NRG1: variants seen among roughly 807,000 people sequenced by gnomAD.
NRG1 encodes neuregulin 1, also known as pro-neuregulin-1, membrane-bound isoform.
In NRG1, 18 loss-of-function variants were observed where a neutral mutation model predicts 63.8. The ratio of observed to expected loss-of-function variants is 0.28; its 90% CI spans 0.19 to 0.42. NRG1 has a LOEUF of 0.42. Ranked by LOEUF, NRG1 falls within the 10% of genes least tolerant of loss-of-function variation. The pLI, the probability that NRG1 is intolerant of heterozygous loss-of-function variation, is 1.00. For missense variants in NRG1, 762 were observed against 814.7 expected, an observed-to-expected ratio of 0.94 and a Z score of 0.79; for synonymous variants, 302 against 301.3, an observed-to-expected ratio of 1.00 and a Z score of -0.02.
chr8:31,878,778 G>C (rs1830118455), intron 1 of NRG1, among the ~76,000 whole-genome samples: 1 of 152,162 alleles, frequency 6.6e-6, no homozygotes, highest in Admixed American at 6.5e-5. Context: ...ACTTGTTGCT[G>C]TCTGCTGGAT....
chr8:32,470,104 T>C (rs1563507734), intron 1 of NRG1, among the ~76,000 whole-genome samples: 1 of 149,666 alleles, frequency 6.7e-6, no homozygotes, highest in East Asian at 2.0e-4. Context: ...ATCTCCTGAC[T>C]TCATGTGATC....
intron 1 of NRG1, among the ~76,000 whole-genome samples, chr8:31,877,410 T>C (rs1237438181): frequency 6.6e-6 from 1 of 152,090 alleles, no homozygotes; most frequent in African/African-American, 2.4e-5. Flanking sequence ...TGTTTGTTTT[T>C]ATGTTCTGTA....
chr8:32,476,816 G>A (rs904110550), intron 1 of NRG1, among the ~76,000 whole-genome samples: 1 of 152,092 alleles, frequency 6.6e-6, no homozygotes, highest in African/African-American at 2.4e-5. Context: ...TAATTGATTG[G>A]CCAGCTGGCC....
At chr8:32,553,032 T>C (rs1346759261) in intron 1 of NRG1, among the ~76,000 whole-genome samples, 1 of 152,226 alleles carries the variant, frequency 6.6e-6, no homozygotes, top group East Asian at 1.9e-4. Context: ...AATTCCTTGC[T>C]ATTAGGCAGC....
intron 1 of NRG1, among the ~76,000 whole-genome samples, chr8:32,131,058 T>A (rs932334135): frequency 2.6e-5 from 4 of 152,030 alleles, no homozygotes; most frequent in African/African-American, 9.7e-5. Flanking sequence ...GGAAGGTTAA[T>A]TAGCAAATTA....
At chr8:32,411,132 C>G (rs930346368) in intron 1 of NRG1, among the ~76,000 whole-genome samples, 37 of 152,252 alleles carry the variant, frequency 2.4e-4, no homozygotes, top group Middle Eastern at 3.4e-3. Flanking sequence ...CCTCAGCCCC[C>G]CAAAGTGCTG....
At chr8:31,699,801 G>A (rs776125267) in intron 1 of NRG1, among the ~76,000 whole-genome samples, 1 of 152,052 alleles carries the variant, frequency 6.6e-6, no homozygotes, top group Non-Finnish European at 1.5e-5. Context: ...AGAGAAAAAG[G>A]GACCCTGGGA....
At chr8:31,705,630 C>T (rs1008657923) in intron 1 of NRG1, among the ~76,000 whole-genome samples, 1 of 152,198 alleles carries the variant, frequency 6.6e-6, no homozygotes, top group Non-Finnish European at 1.5e-5. Context: ...CACTGTTTCT[C>T]TGCTGAGAGA....
chr8:32,346,483 A>G (rs894466655), intron 1 of NRG1, among the ~76,000 whole-genome samples: 16 of 151,808 alleles, frequency 1.1e-4, no homozygotes, highest in African/African-American at 3.9e-4. Flanking sequence ...CTACATCTAG[A>G]TGGTCCACTT....
chr8:31,960,304 A>G (rs1337409645), intron 1 of NRG1, among the ~76,000 whole-genome samples: 10 of 152,124 alleles, frequency 6.6e-5, no homozygotes, highest in African/African-American at 2.2e-4. Flanking sequence ...TTCTTCCCTG[A>G]CAGTTGCTGA....
chr8:32,632,564 A>AT (rs1850539961), intron 5 of NRG1, among the ~76,000 whole-genome samples: 1 of 151,812 alleles, frequency 6.6e-6, no homozygotes. Flanking sequence ...AAAAAAAAAA[A>AT]AAATGGACAT....
intron 1 of NRG1, among the ~76,000 whole-genome samples, chr8:32,457,175 G>T (rs913453563): frequency 6.6e-6 from 1 of 152,026 alleles, no homozygotes; most frequent in Admixed American, 6.6e-5. Context: ...CCTCTTAGAA[G>T]TTTGTCCCTC....
At chr8:32,407,606 A>G (rs1275244889) in intron 1 of NRG1, among the ~76,000 whole-genome samples, 1 of 152,058 alleles carries the variant, frequency 6.6e-6, no homozygotes, top group Non-Finnish European at 1.5e-5. Flanking sequence ...TGTCTCCAGA[A>G]TAAAAGTGGA....
At chr8:31,762,706 A>T (rs1214177308) in intron 1 of NRG1, among the ~76,000 whole-genome samples, 4 of 152,230 alleles carry the variant, frequency 2.6e-5, no homozygotes, top group African/African-American at 9.6e-5. Context: ...TATAGTAATT[A>T]TTAAAACTTC....
chr8:32,481,252 G>A (rs185995154), intron 1 of NRG1, among the ~76,000 whole-genome samples: 35 of 152,194 alleles, frequency 2.3e-4, no homozygotes, highest in African/African-American at 8.2e-4. Context: ...GCTGAGGTGG[G>A]GGGATTGCTT....
chr8:32,700,109 C>G (rs888167329), intron 5 of NRG1, among the ~76,000 whole-genome samples: 1 of 152,086 alleles, frequency 6.6e-6, no homozygotes, highest in Non-Finnish European at 1.5e-5. Context: ...ACCCTTTCCC[C>G]AGCTATTCAA....
chr8:32,714,897 G>A (rs1213736631), intron 5 of NRG1, among the ~76,000 whole-genome samples: 1 of 152,216 alleles, frequency 6.6e-6, no homozygotes, highest in African/African-American at 2.4e-5. Context: ...AGACTCAGTG[G>A]CTGTGATAGA....
intron 5 of NRG1, among the ~76,000 whole-genome samples, chr8:32,621,647 C>T (rs937478508): frequency 5.3e-5 from 8 of 152,194 alleles, no homozygotes; most frequent in East Asian, 1.9e-4. Context: ...AGATAAATCC[C>T]GGGAAAACAG....
intron 1 of NRG1, among the ~76,000 whole-genome samples, chr8:32,290,825 A>G (rs903799366): frequency 3.0e-4 from 45 of 151,604 alleles, no homozygotes; most frequent in African/African-American, 1.1e-3. Flanking sequence ...TAAATTATGA[A>G]TGTCTCTTAA....
Sources: gnomAD v4.1 joint callset for allele counts (sites outside exome capture counted in the v4.1 genomes callset) on GRCh38, gnomAD v4.1.1 for gene constraint, MANE v1.5 for transcripts, NCBI Gene and HGNC (gene_info 2026-07-23, HGNC 2026-07-21) for gene names.